DHODH: variants seen among roughly 807,000 people sequenced by gnomAD.
DHODH encodes dihydroorotate dehydrogenase (quinone).
Under a neutral mutation model 39.7 loss-of-function variants are expected in DHODH, and 30 were observed. The ratio of observed to expected loss-of-function variants is 0.76; its 90% CI spans 0.57 to 1.02. DHODH has a LOEUF of 1.02. Ranked by LOEUF, DHODH falls within the 50% of genes least tolerant of loss-of-function variation. The pLI is 0.00. For missense variants in DHODH, 531 were observed against 520.8 expected, an observed-to-expected ratio of 1.02 and a Z score of -0.19; for synonymous variants, 222 against 213.8, an observed-to-expected ratio of 1.04 and a Z score of -0.34.
intron 4 of DHODH, among the ~76,000 whole-genome samples, chr16:72,018,992 C>G (rs10048144): frequency 0.62 from 94,511 of 152,092 alleles, 30,359 homozygotes; most frequent in African/African-American, 0.76. Context: ...ACAGAGTCTC[C>G]CGCTATTGCC....
intron 4 of DHODH, among the ~76,000 whole-genome samples, chr16:72,017,770 C>CTTTTTTTTTTTTT (rs71153696): frequency 0.01 from 1,064 of 103,624 alleles, 63 homozygotes; most frequent in Middle Eastern, 0.036. Context: ...AAACAACATG[C>CTTTTTTTTTTTTT]TTTTTTTTTT....
At chr16:72,012,876 C>T (rs1329655449) in intron 2 of DHODH, among the ~76,000 whole-genome samples, 3 of 152,094 alleles carry the variant, frequency 2.0e-5, no homozygotes, top group African/African-American at 7.2e-5. Flanking sequence ...TAGATACAGC[C>T]TCTGACTGCA....
At chr16:72,015,778 T>C in intron 3 of DHODH, 1 of 985,458 alleles carries the variant, frequency 1.0e-6, no homozygotes, top group Non-Finnish European at 1.2e-6. Context: ...TGATGGTACT[T>C]GGTGAATCCT....
chr16:72,012,325 C>G (rs1335694645), intron 2 of DHODH, 63 bp downstream of exon 2: 1 of 1,469,576 alleles, frequency 6.8e-7, no homozygotes, highest in Non-Finnish European at 9.5e-7. Flanking sequence ...CCCTAAACTT[C>G]TCAGCTGGGA....
intron 8 of DHODH, among the ~76,000 whole-genome samples, chr16:72,023,887 T>C (rs950754027): frequency 6.6e-6 from 1 of 152,170 alleles, no homozygotes; most frequent in Non-Finnish European, 1.5e-5. Context: ...GAGGGGAGCC[T>C]GAGGAATCCC....
chr16:72,017,770 C>CTGTTTTTTTTTTTT (rs2085015894), intron 4 of DHODH, among the ~76,000 whole-genome samples: 1 of 103,800 alleles, frequency 9.6e-6, no homozygotes, highest in Non-Finnish European at 1.8e-5. Context: ...AAACAACATG[C>CTGTTTTTTTTTTTT]TTTTTTTTTT....
At chr16:72,008,878 C>T (rs2041049713) in intron 1 of DHODH, 93 bp downstream of exon 1, 4 of 1,549,586 alleles carry the variant, frequency 2.6e-6, no homozygotes, top group African/African-American at 2.7e-5. Context: ...GGACCGAAGG[C>T]GGCTCCGGGA....
chr16:72,017,607 A>C (rs1055072639), intron 4 of DHODH, among the ~76,000 whole-genome samples: 2 of 152,220 alleles, frequency 1.3e-5, no homozygotes, highest in African/African-American at 4.8e-5. Flanking sequence ...AATATTCTTC[A>C]TGAGTTGTTT....
rs2041256627 is a variant in DHODH at position 72,024,279 on chromosome 16, G to T, written c.*80G>T. The T allele has an allele frequency of 1.3e-6, 2 of 1,493,122 alleles. No homozygotes were observed. Among genetic ancestry groups the T allele is most frequent in the Non-Finnish European group, 1.9e-6 (2 of 1,073,272 alleles). The allele number at this position is 1,493,122 out of a possible 1,614,324, so 92.5% of individuals were successfully genotyped here. A position where few individuals can be genotyped will look rare whatever the true frequency, so the allele number is the denominator to read the frequency against. ...CCTTTGTGGCTGGATCATGAGAGGA[G>T]GGACTCCATCTTGAGCCATGTCCCC... On this transcript the variant is annotated 3_prime_UTR_variant, in exon 9 of 9. Transcript: ENST00000219240.
chr16:72,019,273 C>A lies in DHODH; in HGVS notation c.518-1851C>A, dbSNP rs559176833. Among the ~76,000 whole-genome samples, 7 of 152,208 alleles carry A rather than the reference C, an allele frequency of 4.6e-5. No homozygotes were observed. The East Asian group carries it at 1.4e-3, about 29-fold the overall frequency. On this transcript the variant is annotated intron_variant, in intron 4 of 8. Transcript: ENST00000219240. ...GCCCGGCTTCTAATTGGGTTCTGAT[C>A]CCCTCCTCCAGTCCCCACCCTGGAA...
intron 4 of DHODH, chr16:72,020,329 G>A (rs1169055686): frequency 9.8e-6 from 1 of 102,186 alleles, no homozygotes; most frequent in African/African-American, 4.5e-5. Flanking sequence ...ATGTATATGT[G>A]TATATATATA....
chr16:72,020,647 T>C, intron 4 of DHODH: 1 of 163,446 alleles, frequency 6.1e-6, no homozygotes, highest in Non-Finnish European at 1.3e-5. Flanking sequence ...CCACCGCACC[T>C]GGCCTGTTTT....
chr16:72,016,975 G>C (rs757510806), intron 3 of DHODH, 49 bp from the exon 4 acceptor site: 1 of 1,538,020 alleles, frequency 6.5e-7, no homozygotes, highest in Non-Finnish European at 9.0e-7. Context: ...ATGGGAAGTG[G>C]CTATGGTGCC....
chr16:72,021,281 A>T lies in DHODH; in HGVS notation c.675A>T (p.Gly225=). 6.2e-7 allele frequency: 1 copy of T among 1,611,608 alleles called. No homozygotes were observed. Among genetic ancestry groups the T allele is most frequent in the Non-Finnish European group, 8.5e-7 (1 of 1,179,426 alleles). ...CTGCCGGGCTGCGGAGCCTTCAGGG[A>T]AAGGCCGAGCTGCGCCGCCTGCTGA... ...PNTAGLRSLQ[G]KAELRRLLTK... Residue 225 remains glycine, a synonymous_variant, in exon 5 of 9, where the codon GGA becomes GGT. Transcript: ENST00000219240.
intron 1 of DHODH, 197 bp downstream of exon 1, chr16:72,008,982 A>T (rs979111838): frequency 2.0e-6 from 3 of 1,474,866 alleles, no homozygotes; most frequent in Non-Finnish European, 1.8e-6. Flanking sequence ...AGGCGTGTGC[A>T]GACAGCGCCT....
intron 5 of DHODH, 112 bp downstream of exon 5, chr16:72,021,423 C>CT (rs1187281882): frequency 8.4e-7 from 1 of 1,196,092 alleles, no homozygotes; most frequent in Non-Finnish European, 1.2e-6. Flanking sequence ...TCCTTAGCAC[C>CT]TAGACCAGTA....
intron 1 of DHODH, among the ~76,000 whole-genome samples, chr16:72,009,523 A>C (rs917536854): frequency 2.6e-5 from 4 of 151,054 alleles, no homozygotes; most frequent in African/African-American, 9.8e-5. Context: ...AAAAAAAAAA[A>C]AAAAAAAAAA....
intron 6 of DHODH, 78 bp from the exon 7 acceptor site, chr16:72,023,087 T>C (rs897903917): frequency 2.6e-6 from 4 of 1,530,302 alleles, no homozygotes; most frequent in African/African-American, 2.7e-5. Flanking sequence ...GCCCGGCTGC[T>C]GCCTTCGACC....
chr16:72,009,708 G>A (rs1469418616), intron 1 of DHODH, among the ~76,000 whole-genome samples: 5 of 151,180 alleles, frequency 3.3e-5, no homozygotes, highest in African/African-American at 4.8e-5. Flanking sequence ...TCCGCCTCCC[G>A]GGTTCAACCG....
Sources: gnomAD v4.1 joint callset for allele counts (sites outside exome capture counted in the v4.1 genomes callset) on GRCh38, gnomAD v4.1.1 for gene constraint, MANE v1.5 for transcripts, NCBI Gene and HGNC (gene_info 2026-07-23, HGNC 2026-07-21) for gene names.